ERBB4: variants seen among roughly 807,000 people sequenced by gnomAD.
ERBB4 encodes erb-b2 receptor tyrosine kinase 4.
A neutral mutation model predicts 158.0 loss-of-function variants in ERBB4; 42 were observed. That is an observed-to-expected ratio of 0.27 (90% CI 0.21 to 0.34). The LOEUF is 0.34. Among genes scored for constraint, ERBB4 ranks in the 10% least tolerant of loss-of-function variants. The pLI is 1.00. For synonymous variants in ERBB4, 583 were observed against 558.7 expected, an observed-to-expected ratio of 1.04 and a Z score of -0.61; for missense variants, 1,333 against 1,624.1, an observed-to-expected ratio of 0.82 and a Z score of 3.08.
intron 20 of ERBB4, among the ~76,000 whole-genome samples, chr2:211,448,102 A>G (rs982496725): frequency 6.6e-6 from 1 of 151,942 alleles, no homozygotes; most frequent in Non-Finnish European, 1.5e-5. Flanking sequence ...CCTCCCCAGT[A>G]GCTGCGATTA....
chr2:211,633,440 T>C (rs2070222344), intron 16 of ERBB4, among the ~76,000 whole-genome samples: 1 of 151,080 alleles, frequency 6.6e-6, no homozygotes, highest in South Asian at 2.1e-4. Context: ...CTCTGGGTAG[T>C]GTGAATACAG....
rs142020302 is a variant in ERBB4 at position 212,184,794 on chromosome 2, A to G, written c.83-59891T>C. On this transcript the variant is annotated intron_variant, in intron 1 of 27. Coordinates refer to ENST00000342788, the MANE Select transcript of ERBB4 (RefSeq NM_005235.3). ...AACATTTTTATGAATGCCTCCAAGA[A>G]TCAGTTCATTTGGCTTTCTTAAATA... 2.8e-4 allele frequency among the ~76,000 whole-genome samples: 42 copies of G among 152,238 alleles called. No individual in the cohort carries two copies. The East Asian group carries it at 7.8e-3, about 28-fold the overall frequency.
At chr2:211,712,371 C>T (rs573142552) in intron 8 of ERBB4, among the ~76,000 whole-genome samples, 195 bp from the exon 9 acceptor site, 1 of 152,162 alleles carries the variant, frequency 6.6e-6, no homozygotes, top group East Asian at 1.9e-4. Context: ...AAAAACTTGT[C>T]CCTGCATTAA....
intron 4 of ERBB4, among the ~76,000 whole-genome samples, chr2:211,767,771 C>G (rs2075588680): frequency 6.6e-6 from 1 of 152,146 alleles, no homozygotes; most frequent in Non-Finnish European, 1.5e-5. Flanking sequence ...CACTGGGTCC[C>G]TCCTATAACA....
At chr2:211,692,061 T>C (rs563419886) in intron 12 of ERBB4, among the ~76,000 whole-genome samples, 3 of 152,268 alleles carry the variant, frequency 2.0e-5, no homozygotes, top group Non-Finnish European at 4.4e-5. Flanking sequence ...AAGGAGATAA[T>C]AGCGATAATA....
At chr2:211,869,965 C>T (rs1160542240) in intron 3 of ERBB4, among the ~76,000 whole-genome samples, 1 of 152,032 alleles carries the variant, frequency 6.6e-6, no homozygotes, top group African/African-American at 2.4e-5. Context: ...TGCTAAAAGT[C>T]CTAAAAGTAT....
At chr2:211,963,438 T>C (rs2081234497) in intron 2 of ERBB4, among the ~76,000 whole-genome samples, 1 of 152,160 alleles carries the variant, frequency 6.6e-6, no homozygotes, top group African/African-American at 2.4e-5. Context: ...CAGTGCCTGC[T>C]AGTATACCAT....
chr2:212,345,968 T>C (rs182451158), intron 1 of ERBB4, among the ~76,000 whole-genome samples: 2 of 152,126 alleles, frequency 1.3e-5, no homozygotes, highest in Non-Finnish European at 2.9e-5. Context: ...TATTATCTAT[T>C]AAGAAATTTA....
At chr2:211,889,014 C>T (rs564801717) in intron 3 of ERBB4, among the ~76,000 whole-genome samples, 9 of 145,780 alleles carry the variant, frequency 6.2e-5, no homozygotes, top group Admixed American at 1.3e-4. Flanking sequence ...GTAAACAAAG[C>T]AGCCAGGAAG....
intron 1 of ERBB4, among the ~76,000 whole-genome samples, chr2:212,343,414 G>A (rs1476231610): frequency 6.6e-6 from 1 of 152,120 alleles, no homozygotes; most frequent in Non-Finnish European, 1.5e-5. Context: ...TCATTTTGAT[G>A]CTAAAATGAT....
chr2:211,416,403 T>C (rs1254680264), intron 25 of ERBB4, among the ~76,000 whole-genome samples: 1 of 152,168 alleles, frequency 6.6e-6, no homozygotes, highest in Admixed American at 6.5e-5. Flanking sequence ...AGCATGTGTT[T>C]AAATATCTAG....
At position 212,509,513 on chromosome 2, in the gene ERBB4, A is replaced by G. The variant is rs185350897; in HGVS notation, c.82+28936T>C. ...TTTAATTTTGTATAAAAATTATTAC[A>G]TGTTCTGTGATCCTACATCATGCAT... On this transcript the variant is annotated intron_variant, in intron 1 of 27. Transcript: ENST00000342788. Among the ~76,000 whole-genome samples the G allele has an allele frequency of 4.0e-3, 610 of 152,126 alleles. 4 individuals carry two copies. The highest frequency in any genetic ancestry group is 6.8e-3 in the Non-Finnish European group (464 of 67,904).
chr2:211,580,881 A>AGTATG (rs2068076780), intron 19 of ERBB4, among the ~76,000 whole-genome samples: 37 of 2,810 alleles, frequency 0.013, 12 homozygotes, highest in South Asian at 0.069. Flanking sequence ...ATATATATAT[A>AGTATG]TATATATATA....
At chr2:212,021,914 C>A (rs570392868) in intron 2 of ERBB4, among the ~76,000 whole-genome samples, 434 of 151,944 alleles carry the variant, frequency 2.9e-3, no homozygotes, top group African/African-American at 0.01. Flanking sequence ...AAGAAACATA[C>A]GAAGAAAAGC....
chr2:211,725,107 C>G lies in ERBB4; in HGVS notation c.710G>C (p.Gly237Ala). The stretch of plus-strand genomic sequence containing the variant: ...GTCTGTGTCCTTAGGTCCTGAGCAG[C>G]CTCCAGCACATTCTCGATGGCAGCA... Reference protein sequence around the residue: ...SDCCHRECAGGCSGPKDTDCF... With the variant: ...SDCCHRECAGACSGPKDTDCF... The change falls in exon 6 of 28, where the codon GGC becomes GCC. Residue 237 changes from glycine (G) to alanine (A), a missense_variant. By Grantham distance (60) the Gly-to-Ala change is moderately conservative. This residue lies in a region of ERBB4 where 438 missense variants were observed against 586.9 expected (regional missense o/e 0.75). Coordinates refer to ENST00000342788, the MANE Select transcript of ERBB4 (RefSeq NM_005235.3). 11 of 1,613,838 alleles carry G rather than the reference C, an allele frequency of 6.8e-6. No homozygotes were observed. The highest frequency in any genetic ancestry group is 9.3e-6 in the Non-Finnish European group (11 of 1,179,784).
At chr2:211,551,050 C>T (rs969795934) in intron 20 of ERBB4, among the ~76,000 whole-genome samples, 19 of 152,104 alleles carry the variant, frequency 1.2e-4, no homozygotes, top group African/African-American at 4.3e-4. Flanking sequence ...TCCAGTGATC[C>T]TCCCACTTCA....
intron 1 of ERBB4, among the ~76,000 whole-genome samples, chr2:212,443,199 G>A (rs768575575): frequency 5.3e-5 from 8 of 152,256 alleles, no homozygotes; most frequent in Non-Finnish European, 8.8e-5. Flanking sequence ...CAATTCTCCC[G>A]CTTTGTGTCA....
chr2:212,046,090 A>G (rs2077254530), intron 2 of ERBB4, among the ~76,000 whole-genome samples: 1 of 152,224 alleles, frequency 6.6e-6, no homozygotes, highest in South Asian at 2.1e-4. Context: ...AAGATGGGAA[A>G]CCCAATCCAT....
At chr2:211,523,908 T>C (rs1303379276) in intron 20 of ERBB4, among the ~76,000 whole-genome samples, 2 of 152,096 alleles carry the variant, frequency 1.3e-5, no homozygotes, top group African/African-American at 2.4e-5. Flanking sequence ...AGGGTGCTGA[T>C]TGGTGTGTTT....
Sources: allele counts gnomAD v4.1 joint callset (sites outside exome capture counted in the v4.1 genomes callset), GRCh38; gene constraint gnomAD v4.1.1; regional missense constraint gnomAD v4.1.1; transcripts MANE v1.5; gene names NCBI Gene and HGNC (gene_info 2026-07-23, HGNC 2026-07-21).